TRIM23: variants seen among roughly 807,000 people sequenced by gnomAD.
The protein encoded by TRIM23 is tripartite motif containing 23, also known as E3 ubiquitin-protein ligase TRIM23.
TRIM23 carries 27 observed loss-of-function variants against 71.0 expected under a neutral mutation model. The observed-to-expected ratio is 0.38, with a 90% CI of 0.28 to 0.52. TRIM23 has a LOEUF of 0.52. Among genes scored for constraint, TRIM23 ranks in the 20% least tolerant of loss-of-function variants. The probability of loss-of-function intolerance (pLI) is 0.84; values close to 1 mark genes in which losing one functional copy is unlikely to be tolerated. For synonymous variants in TRIM23, 234 were observed against 238.0 expected, an observed-to-expected ratio of 0.98 and a Z score of 0.16; for missense variants, 482 against 692.3, an observed-to-expected ratio of 0.70 and a Z score of 3.41.
At chr5:65,608,165 G>A (rs1754556037) in intron 6 of TRIM23, among the ~76,000 whole-genome samples, 1 of 152,170 alleles carries the variant, frequency 6.6e-6, no homozygotes, top group African/African-American at 2.4e-5. Flanking sequence ...TTAAAACTTA[G>A]AAACTTGCAG....
chr5:65,591,140 T>C lies in TRIM23; in HGVS notation c.*629A>G. The C allele has an allele frequency of 1.9e-6, 2 of 1,057,358 alleles. No individual in the cohort carries two copies. Among genetic ancestry groups the C allele is most frequent in the Non-Finnish European group, 2.3e-6 (2 of 876,036 alleles). 65.5% of individuals were successfully genotyped at this position (1,057,358 alleles called of 1,614,324 possible). ...CATTTCACTCCCTCATTGTGTTTTATACAAAATGCTGTAGGAGAAAGTTAA... is the reference window on the plus strand; with the variant it reads ...CATTTCACTCCCTCATTGTGTTTTACACAAAATGCTGTAGGAGAAAGTTAA... On this transcript the variant is annotated 3_prime_UTR_variant, in exon 11 of 11. Transcript: ENST00000231524.
intron 10 of TRIM23, among the ~76,000 whole-genome samples, chr5:65,592,385 C>A (rs755717449): frequency 9.2e-5 from 14 of 151,970 alleles, no homozygotes; most frequent in Non-Finnish European, 1.6e-4. Flanking sequence ...CTACCATGCC[C>A]GGCTAATTTT....
At chr5:65,604,083 T>C (rs1481147993) in intron 7 of TRIM23, among the ~76,000 whole-genome samples, 1 of 151,934 alleles carries the variant, frequency 6.6e-6, no homozygotes, top group Non-Finnish European at 1.5e-5. Context: ...TATGCCACCA[T>C]GCCCAATTAT....
intron 3 of TRIM23, chr5:65,613,652 A>C: frequency 9.0e-7 from 1 of 1,111,892 alleles, no homozygotes; most frequent in South Asian, 2.1e-5. Flanking sequence ...TCTTGAAGCT[A>C]TAACAGTAAC....
chr5:65,609,616 G>C (rs1432303529), intron 5 of TRIM23, among the ~76,000 whole-genome samples, 158 bp from the exon 6 acceptor site: 1 of 152,142 alleles, frequency 6.6e-6, no homozygotes, highest in Non-Finnish European at 1.5e-5. Flanking sequence ...TGTAGTCCCA[G>C]CTACTCAGGA....
chr5:65,624,320 T>C lies in TRIM23; in HGVS notation c.-46A>G, dbSNP rs1163234753. 1.2e-6 allele frequency: 2 copies of C among 1,602,900 alleles called. No homozygotes were observed. The highest frequency in any genetic ancestry group is 1.7e-6 in the Non-Finnish European group (2 of 1,175,360). ...AGAAACAGCCTTCAGAGTCCTCAAC[T>C]GAGAGGCGGGGTTGAGCCACCTACC... On this transcript the variant is annotated 5_prime_UTR_variant, in exon 1 of 11. Coordinates refer to ENST00000231524, the MANE Select transcript of TRIM23 (RefSeq NM_001656.4).
At chr5:65,614,722 A>G (rs574744774) in intron 2 of TRIM23, among the ~76,000 whole-genome samples, 1 of 151,048 alleles carries the variant, frequency 6.6e-6, no homozygotes, top group Non-Finnish European at 1.5e-5. Flanking sequence ...ATGACAGAGC[A>G]AGACTCTATC....
At position 65,591,651 on chromosome 5, in the gene TRIM23, A is replaced by ATATATATATG. The variant is rs1754032120; in HGVS notation, c.*117_*118insCATATATATA. 2.3e-6 allele frequency: 2 copies of ATATATATATG among 875,788 alleles called. No individual in the cohort carries two copies. The highest frequency in any genetic ancestry group is 3.7e-5 in the African/African-American group (2 of 53,848). 54.3% of individuals were successfully genotyped at this position (875,788 alleles called of 1,614,324 possible). ...TTCCCAATCCAAGATTCCTTTATAT[A>ATATATATATG]TATATATATATATATGCATCCTAAA... On this transcript the variant is annotated 3_prime_UTR_variant, in exon 11 of 11. Transcript: ENST00000231524.
chr5:65,612,120 T>C (rs1402453252), intron 3 of TRIM23, among the ~76,000 whole-genome samples: 2 of 152,322 alleles, frequency 1.3e-5, no homozygotes, highest in Admixed American at 1.3e-4. Context: ...AAGCCAAAAA[T>C]AGAACTATTC....
intron 6 of TRIM23, chr5:65,607,284 T>C (rs1316102253): frequency 1.3e-5 from 2 of 152,206 alleles, no homozygotes; most frequent in African/African-American, 4.8e-5. Flanking sequence ...TAATACTGTA[T>C]CATTAAAAAT....
In TRIM23 at chr5:65,591,443, C is replaced by T. The variant is rs1754022692; in HGVS notation, c.*326G>A. ...TTTTCACTGAAAGAATAAACCTTCA[C>T]TTACCCTTTCTCTGTGACTACCTCT... On this transcript the variant is annotated 3_prime_UTR_variant, in exon 11 of 11. Transcript: ENST00000231524. 3.1e-6 allele frequency: 5 copies of T among 1,595,426 alleles called. No homozygotes were observed. Among genetic ancestry groups the T allele is most frequent in the Non-Finnish European group, 4.3e-6 (5 of 1,171,986 alleles).
rs1393371492 is a variant in TRIM23 at position 65,594,636 on chromosome 5, AAC to A, written c.1428_1429del (p.Phe477CysfsTer4). 6.4e-7 allele frequency: 1 copy of A among 1,573,222 alleles called. No homozygotes were observed. The highest frequency in any genetic ancestry group is 2.3e-5 in the East Asian group (1 of 43,684). On this transcript the variant is annotated frameshift_variant, in exon 10 of 11. Transcript: ENST00000231524. LOFTEE classifies it high-confidence loss of function. ...GTCTCTATGACTGCTATCTACAACA[AAC>A]ACAACAGCTACCCAAAAAAAAATAA...
chr5:65,592,020 G>C (rs1754052981), intron 10 of TRIM23, 72 bp from the exon 11 acceptor site: 1 of 1,443,796 alleles, frequency 6.9e-7, no homozygotes, highest in Non-Finnish European at 9.4e-7. Flanking sequence ...ACCATTTATA[G>C]AGAAATTTGT....
intron 6 of TRIM23, 143 bp from the exon 7 acceptor site, chr5:65,605,188 G>T: frequency 1.4e-6 from 1 of 738,150 alleles, no homozygotes; most frequent in Non-Finnish European, 2.1e-6. Flanking sequence ...TAATAATTGA[G>T]CATTAATAAA....
Position 65,594,504 on chromosome 5 carries a change from A to G in TRIM23, c.1545+17T>C. The G allele has an allele frequency of 1.9e-6, 3 of 1,595,156 alleles. No homozygotes were observed. The highest frequency in any genetic ancestry group is 2.2e-5 in the East Asian group (1 of 44,734). ...CAAAACTACTAAAATAAATATTCCAATATAAAAATGCATTACCTGTTTGTT... is the reference window on the plus strand; with the variant it reads ...CAAAACTACTAAAATAAATATTCCAGTATAAAAATGCATTACCTGTTTGTT... On this transcript the variant is annotated intron_variant, in intron 10 of 10. Coordinates refer to ENST00000231524, the MANE Select transcript of TRIM23 (RefSeq NM_001656.4).
At position 65,618,259 on chromosome 5, in the gene TRIM23, A is replaced by G. The variant is rs778820295; in HGVS notation, c.82-4T>C. On this transcript the variant is annotated splice_region_variant and splice_polypyrimidine_tract_variant and intron_variant, in intron 1 of 10. Transcript: ENST00000231524. ...CACAAACTCCACACTCTAGCACCTA[A>G]TATTTGAAAAGGAAGGATGTGCTCT... 1 of 1,602,914 alleles carries G rather than the reference A, an allele frequency of 6.2e-7. No homozygotes were observed.
chr5:65,621,912 T>C (rs950146092), intron 1 of TRIM23, among the ~76,000 whole-genome samples: 3 of 151,752 alleles, frequency 2.0e-5, no homozygotes, highest in Non-Finnish European at 2.9e-5. Context: ...ACTGCAGCCT[T>C]GACCTCCCAA....
At chr5:65,604,057 A>G (rs1754432086) in intron 7 of TRIM23, among the ~76,000 whole-genome samples, 1 of 151,918 alleles carries the variant, frequency 6.6e-6, no homozygotes, top group African/African-American at 2.4e-5. Context: ...CCTCCTGAGT[A>G]ACTGGGACTA....
At chr5:65,594,482 AACT>A (rs753014964) in intron 10 of TRIM23, 36 bp downstream of exon 10, 3 of 1,585,922 alleles carry the variant, frequency 1.9e-6, no homozygotes, top group Non-Finnish European at 1.7e-6. Flanking sequence ...ACATGCACAA[AACT>A]ACTAAAATAA....
Sources: gnomAD v4.1 joint callset for allele counts (sites outside exome capture counted in the v4.1 genomes callset) on GRCh38, gnomAD v4.1.1 for gene constraint, MANE v1.5 for transcripts, NCBI Gene and HGNC (gene_info 2026-07-23, HGNC 2026-07-21) for gene names.